The following GFRA2 variants were observed in gnomAD, a reference collection of about 807,000 sequenced individuals.
GFRA2 encodes GDNF family receptor alpha 2, also known as GDNF family receptor alpha-2.
GFRA2 carries 17 observed loss-of-function variants against 48.3 expected under a neutral mutation model. The observed-to-expected ratio is 0.35, with a 90% CI of 0.24 to 0.53. The LOEUF is 0.53. Ranked by LOEUF, GFRA2 falls within the 20% of genes least tolerant of loss-of-function variation. The pLI, the probability that GFRA2 is intolerant of heterozygous loss-of-function variation, is 0.93. For missense variants in GFRA2, 660 were observed against 637.3 expected (o/e 1.04, Z -0.38); for synonymous variants, 305 against 257.2 (o/e 1.19, Z -1.78).
intron 3 of GFRA2, among the ~76,000 whole-genome samples, chr8:21,761,609 T>C (rs187039845): frequency 6.6e-6 from 1 of 152,352 alleles, no homozygotes; most frequent in African/African-American, 2.4e-5. Flanking sequence ...AAAATACCCC[T>C]TGCAGTTTCC....
rs1801846813 is a variant in GFRA2 at position 21,690,530 on chromosome 8, G to A, written c.*2748C>T. On this transcript the variant is annotated 3_prime_UTR_variant, in exon 9 of 9. Transcript: ENST00000524240. ...TTTCAGCCATGTGATACTTGGATAG[G>A]GAGACATTTGAGGGCAGAGTAAAGC... 1.3e-5 allele frequency: 2 copies of A among 152,292 alleles called. No homozygotes were observed. Among genetic ancestry groups the A allele is most frequent in the African/African-American group, 2.4e-5 (1 of 41,572 alleles). 9.4% of individuals were successfully genotyped at this position (152,292 alleles called of 1,614,324 possible). A position where few individuals can be genotyped will look rare whatever the true frequency, so the allele number is the denominator to read the frequency against.
intron 2 of GFRA2, among the ~76,000 whole-genome samples, chr8:21,801,884 A>G (rs1807778115): frequency 6.6e-6 from 1 of 152,106 alleles, no homozygotes; most frequent in African/African-American, 2.4e-5. Context: ...AGGACCCAGA[A>G]GCATGAATGG....
chr8:21,763,459 T>C lies in GFRA2; in HGVS notation c.439+11513A>G, dbSNP rs565342755. ...ATGACCTCACACCTGGCTCACCATC[T>C]CCGGTTCATCCCTTCCTGGGCACCA... On this transcript the variant is annotated intron_variant, in intron 3 of 8. Transcript: ENST00000524240. Among the ~76,000 whole-genome samples the C allele has an allele frequency of 8.2e-4, 125 of 152,168 alleles. 3 individuals carry two copies. The South Asian group carries it at 0.025, about 30-fold the overall frequency.
At chr8:21,719,070 G>A (rs1000441132) in intron 4 of GFRA2, among the ~76,000 whole-genome samples, 1 of 152,086 alleles carries the variant, frequency 6.6e-6, no homozygotes, top group African/African-American at 2.4e-5. Context: ...CTCTCCTCTG[G>A]GGGAGCCATG....
intron 4 of GFRA2, among the ~76,000 whole-genome samples, chr8:21,715,197 A>G (rs564183714): frequency 2.4e-4 from 37 of 152,150 alleles, no homozygotes; most frequent in African/African-American, 8.9e-4. Flanking sequence ...CTTCCTGTTT[A>G]TTCTTTAACT....
chr8:21,706,446 T>C (rs758363560), intron 4 of GFRA2: 19 of 460,580 alleles, frequency 4.1e-5, no homozygotes, highest in Non-Finnish European at 6.5e-5. Flanking sequence ...GCCCAAGTCC[T>C]TCAACCCGGC....
Position 21,759,370 on chromosome 8 carries a change from A to AGTGAG in GFRA2, c.440-8433_440-8429dup, listed in dbSNP as rs768765156. 2.0e-3 allele frequency among the ~76,000 whole-genome samples: 293 copies of AGTGAG among 147,626 alleles called. 2 individuals are homozygous for AGTGAG. Among genetic ancestry groups the AGTGAG allele is most frequent in the Non-Finnish European group, 2.0e-3 (136 of 66,908 alleles). ...CATTGCACTCCAACCTGGGCGACAG[A>AGTGAG]GTGAGGCTCTGGCTCAAAAAAGAAA... On this transcript the variant is annotated intron_variant, in intron 3 of 8. Transcript: ENST00000524240.
chr8:21,766,517 T>A (rs1563256690), intron 3 of GFRA2, among the ~76,000 whole-genome samples: 1 of 151,684 alleles, frequency 6.6e-6, no homozygotes, highest in Admixed American at 6.6e-5. Flanking sequence ...CTCCCCGAGT[T>A]AGCGCGGAAG....
At chr8:21,795,807 C>T (rs2086235) in intron 2 of GFRA2, among the ~76,000 whole-genome samples, 71,954 of 151,940 alleles carry the variant, frequency 0.47, 19,332 homozygotes, top group African/African-American at 0.73. Flanking sequence ...CCAACTTGGC[C>T]TCTCTCACAG....
chr8:21,712,884 G>T (rs1326661890), intron 4 of GFRA2, among the ~76,000 whole-genome samples: 1 of 152,180 alleles, frequency 6.6e-6, no homozygotes, highest in African/African-American at 2.4e-5. Flanking sequence ...GTGCACGCCT[G>T]CAATCGCAGG....
intron 7 of GFRA2, among the ~76,000 whole-genome samples, chr8:21,694,879 C>T (rs937207467): frequency 2.0e-5 from 3 of 152,216 alleles, no homozygotes; most frequent in African/African-American, 7.2e-5. Context: ...TTCATAACAA[C>T]AACTCAACAA....
intron 1 of GFRA2, among the ~76,000 whole-genome samples, chr8:21,785,697 C>A (rs1342168600): frequency 4.6e-5 from 7 of 152,172 alleles, no homozygotes; most frequent in South Asian, 4.1e-4. Context: ...CACCCCCACC[C>A]GAGTCACTTT....
At chr8:21,793,291 G>A (rs925374747), upstream of GFRA2, among the ~76,000 whole-genome samples, 1 of 152,160 alleles carries the variant, frequency 6.6e-6, no homozygotes, top group African/African-American at 2.4e-5. Flanking sequence ...ATGACTGTGT[G>A]AGGGATGGAG....
chr8:21,693,175 T>A lies in GFRA2; in HGVS notation c.*103A>T, dbSNP rs899118784. 6 of 1,172,858 alleles carry A rather than the reference T, an allele frequency of 5.1e-6. No individual in the cohort carries two copies. Among genetic ancestry groups the A allele is most frequent in the Non-Finnish European group, 6.8e-6 (6 of 888,236 alleles). The allele number at this position is 1,172,858 out of a possible 1,614,324, so 72.7% of individuals were successfully genotyped here. On this transcript the variant is annotated 3_prime_UTR_variant, in exon 9 of 9. Coordinates refer to ENST00000524240, the MANE Select transcript of GFRA2 (RefSeq NM_001495.5). ...AGCGACAAGGTGGGAAAAACAATTT[T>A]TTTTTTGCAAGGTGTGTGTGTGTCT... is the stretch of plus-strand genomic sequence containing the variant.
intron 4 of GFRA2, among the ~76,000 whole-genome samples, chr8:21,741,930 A>AG (rs1804764467): frequency 2.0e-5 from 3 of 152,068 alleles, no homozygotes; most frequent in East Asian, 1.9e-4. Context: ...CAAAAAAAAA[A>AG]AAAAAGAAAG....
chr8:21,754,435 T>A (rs1805453017), intron 3 of GFRA2, among the ~76,000 whole-genome samples: 1 of 151,570 alleles, frequency 6.6e-6, no homozygotes, highest in South Asian at 2.1e-4. Context: ...ACCTGAAACT[T>A]GGGGGATGAT....
In GFRA2 at chr8:21,797,287, C is replaced by CTTTTTTTTTTTTTTTTT. The variant is rs1159867192; in HGVS notation, c.-36+7713_-36+7729dup. On this transcript the variant is annotated intron_variant, in intron 2 of 10. Transcript: ENST00000517328. ...TCTTTCTTTTTTTTTCCTTTCTTTG[C>CTTTTTTTTTTTTTTTTT]TTTTTTTTTTTTTTTTTTTTTTTGA... Among the ~76,000 whole-genome samples the CTTTTTTTTTTTTTTTTT allele has an allele frequency of 1.2e-4, 10 of 85,638 alleles. No individual in the cohort carries two copies. The East Asian group carries it at 1.6e-3, about 14-fold the overall frequency. The allele number at this position is 85,638 out of a possible 152,430, so 56.2% of individuals were successfully genotyped here.
intron 4 of GFRA2, among the ~76,000 whole-genome samples, chr8:21,717,189 C>G (rs557136793): frequency 1.2e-4 from 18 of 152,354 alleles, no homozygotes; most frequent in African/African-American, 4.1e-4. Flanking sequence ...TCAAGGAGAG[C>G]AACTCCGAAG....
At chr8:21,700,708 T>C (rs1802430761) in intron 7 of GFRA2, among the ~76,000 whole-genome samples, 1 of 152,080 alleles carries the variant, frequency 6.6e-6, no homozygotes, top group African/African-American at 2.4e-5. Context: ...GGCTACCATC[T>C]CTGGGGTTCC....
Sources: allele counts gnomAD v4.1 joint callset (sites outside exome capture counted in the v4.1 genomes callset), GRCh38; gene constraint gnomAD v4.1.1; transcripts MANE v1.5; gene names NCBI Gene and HGNC (gene_info 2026-07-23, HGNC 2026-07-21).